Variants in CXCL13 observed in about 807,000 individuals in gnomAD.
The protein encoded by CXCL13 is C-X-C motif chemokine 13.
In CXCL13, 7 loss-of-function variants were observed where a neutral mutation model predicts 12.2. The observed-to-expected ratio is 0.57, with a 90% CI of 0.33 to 1.07. The LOEUF (loss-of-function observed/expected upper bound fraction) is 1.07. CXCL13 is among the 50% of genes least tolerant of loss of function. The pLI is 0.04. For synonymous variants in CXCL13, 47 were observed against 42.4 expected, an observed-to-expected ratio of 1.11 and a Z score of -0.42; for missense variants, 113 against 127.4, an observed-to-expected ratio of 0.89 and a Z score of 0.55.
chr4:77,513,418 T>C (rs902344080), intron 1 of CXCL13, among the ~76,000 whole-genome samples: 3 of 152,274 alleles, frequency 2.0e-5, no homozygotes, highest in Admixed American at 2.0e-4. Context: ...AGCATTCCTA[T>C]TTCTCCACAT....
chr4:77,544,927 G>T (rs368076293), intron 1 of CXCL13, among the ~76,000 whole-genome samples: 1 of 152,186 alleles, frequency 6.6e-6, no homozygotes, highest in South Asian at 2.1e-4. Flanking sequence ...TTTTGTATAA[G>T]GGGTAAGGAA....
chr4:77,518,343 C>T (rs1038910142), intron 1 of CXCL13, among the ~76,000 whole-genome samples: 1 of 152,108 alleles, frequency 6.6e-6, no homozygotes, highest in Non-Finnish European at 1.5e-5. Context: ...TGTTGGCCTG[C>T]CTTGCTAGAT....
intron 1 of CXCL13, among the ~76,000 whole-genome samples, chr4:77,548,447 G>C (rs375217822): frequency 7.2e-5 from 11 of 152,336 alleles, no homozygotes; most frequent in African/African-American, 2.4e-4. Flanking sequence ...CTGTGCCCAA[G>C]GTCATGGACA....
chr4:77,551,694 CT>C (rs1167646466), intron 1 of CXCL13, among the ~76,000 whole-genome samples: 1 of 152,136 alleles, frequency 6.6e-6, no homozygotes, highest in East Asian at 1.9e-4. Context: ...CGTTTATTTT[CT>C]TTTTTTCCAT....
chr4:77,603,315 CA>C (rs1416215526), upstream of CXCL13, among the ~76,000 whole-genome samples: 5 of 152,098 alleles, frequency 3.3e-5, no homozygotes, highest in Admixed American at 2.0e-4. Context: ...CCTACCAACT[CA>C]ATATAAGTGA....
intron 1 of CXCL13, among the ~76,000 whole-genome samples, chr4:77,568,173 C>T (rs1407246317): frequency 2.6e-5 from 4 of 152,196 alleles, no homozygotes; most frequent in Non-Finnish European, 5.9e-5. Flanking sequence ...ACCATTCAGA[C>T]CTGACAGATG....
At chr4:77,583,056 G>T (rs991257683) in intron 1 of CXCL13, among the ~76,000 whole-genome samples, 4 of 152,310 alleles carry the variant, frequency 2.6e-5, no homozygotes, top group Admixed American at 1.3e-4. Flanking sequence ...GCCTTGAAAT[G>T]CTTCCTTCTA....
intron 1 of CXCL13, among the ~76,000 whole-genome samples, chr4:77,598,138 A>G (rs1282840884): frequency 6.6e-6 from 1 of 152,214 alleles, no homozygotes; most frequent in Admixed American, 6.5e-5. Context: ...TTGACAGTAT[A>G]CTGCCTCCAA....
At chr4:77,592,843 A>G (rs940264192) in intron 1 of CXCL13, among the ~76,000 whole-genome samples, 2 of 152,256 alleles carry the variant, frequency 1.3e-5, no homozygotes, top group South Asian at 2.1e-4. Context: ...GCCTTTTCAG[A>G]TTTCATAGTG....
intron 1 of CXCL13, among the ~76,000 whole-genome samples, chr4:77,513,357 A>G (rs2110076080): frequency 6.6e-6 from 1 of 152,126 alleles, no homozygotes; most frequent in Non-Finnish European, 1.5e-5. Flanking sequence ...GAATTGCCAC[A>G]CTGTCTTCCA....
At chr4:77,602,966 T>C (rs1167085971), upstream of CXCL13, among the ~76,000 whole-genome samples, 1 of 152,150 alleles carries the variant, frequency 6.6e-6, no homozygotes, top group Non-Finnish European at 1.5e-5. Flanking sequence ...GCTTCTTTGG[T>C]CTAAATAAGC....
At chr4:77,569,047 G>C (rs1726003913) in intron 1 of CXCL13, among the ~76,000 whole-genome samples, 1 of 152,146 alleles carries the variant, frequency 6.6e-6, no homozygotes, top group African/African-American at 2.4e-5. Flanking sequence ...TGTCACTAAG[G>C]TGCCTTTTAA....
intron 1 of CXCL13, among the ~76,000 whole-genome samples, chr4:77,566,814 G>C (rs1725934195): frequency 1.3e-5 from 2 of 152,090 alleles, no homozygotes; most frequent in Non-Finnish European, 2.9e-5. Context: ...CCTTAAGAAT[G>C]GTTTTAGATA....
intron 1 of CXCL13, among the ~76,000 whole-genome samples, chr4:77,574,964 G>A (rs1726169933): frequency 6.6e-6 from 1 of 151,828 alleles, no homozygotes; most frequent in South Asian, 2.1e-4. Context: ...ATTTACCTAG[G>A]GCTAAAGGGT....
upstream of CXCL13, among the ~76,000 whole-genome samples, chr4:77,601,995 A>G (rs534428773): frequency 6.6e-6 from 1 of 152,350 alleles, no homozygotes; most frequent in East Asian, 1.9e-4. Context: ...AGGTTAAAAC[A>G]TGTGTTAACA....
chr4:77,592,001 C>T (rs778920062), intron 1 of CXCL13, among the ~76,000 whole-genome samples: 10 of 152,166 alleles, frequency 6.6e-5, no homozygotes, highest in Non-Finnish European at 1.3e-4. Context: ...GACAAAGAAG[C>T]AACACCAAAA....
intron 1 of CXCL13, among the ~76,000 whole-genome samples, chr4:77,552,024 A>T (rs1476027702): frequency 6.6e-6 from 1 of 152,000 alleles, no homozygotes; most frequent in Non-Finnish European, 1.5e-5. Context: ...TTTCAACCTT[A>T]TCTTGTATCT....
chr4:77,555,969 G>A (rs1209939062), intron 1 of CXCL13, among the ~76,000 whole-genome samples: 2 of 152,270 alleles, frequency 1.3e-5, no homozygotes, highest in East Asian at 1.9e-4. Context: ...TCATGGGTGA[G>A]GTTATGGAGC....
chr4:77,558,303 A>G (rs936270441), intron 1 of CXCL13, among the ~76,000 whole-genome samples: 2 of 152,154 alleles, frequency 1.3e-5, no homozygotes, highest in Non-Finnish European at 2.9e-5. Context: ...AAGCTTCTGC[A>G]TTGCCTTTGA....
Sources: allele counts gnomAD v4.1 joint callset (sites outside exome capture counted in the v4.1 genomes callset), GRCh38; gene constraint gnomAD v4.1.1; transcripts MANE v1.5; gene names NCBI Gene and HGNC (gene_info 2026-07-23, HGNC 2026-07-21).